The following NUP214 variants were observed in gnomAD, a reference collection of about 807,000 sequenced individuals.
NUP214 encodes the protein nuclear pore complex protein Nup214.
NUP214 carries 79 observed loss-of-function variants against 196.2 expected under a neutral mutation model. That is an observed-to-expected ratio of 0.40 (90% confidence interval 0.34 to 0.49). The LOEUF is 0.49. NUP214 is among the 20% of genes least tolerant of loss of function. The probability of loss-of-function intolerance (pLI) is 0.58; values close to 1 mark genes in which losing one functional copy is unlikely to be tolerated. For missense variants in NUP214, 2,468 were observed against 2,539.0 expected (o/e 0.97, Z 0.60); for synonymous variants, 1,020 against 990.5 (o/e 1.03, Z -0.56).
At position 131,198,656 on chromosome 9, in the gene NUP214, T is replaced by C. The variant is rs1437886777; in HGVS notation, c.5162T>C (p.Phe1721Ser). The change falls in exon 29 of 36, where the codon TTT (phenylalanine) becomes TCT (serine). Residue 1721 changes from phenylalanine to serine, a missense_variant. Around this residue, in one of 5 missense-constraint regions of NUP214, gnomAD observed 1,801 missense variants for 1,779.4 expected, o/e 1.01. Transcript: ENST00000359428. ...PAFGTTAPGV[F>S]GQTTFGQASV... ...TTTGGTACCACAGCCCCAGGGGTCT[T>C]TGGACAGACAACCTTCGGGCAGGCC... 6.2e-7 allele frequency: 1 copy of C among 1,614,194 alleles called. No individual in the cohort carries two copies. The highest frequency in any genetic ancestry group is 8.5e-7 in the Non-Finnish European group (1 of 1,180,012).
chr9:131,150,164 T>C, intron 14 of NUP214, 160 bp from the exon 15 acceptor site: 1 of 632,610 alleles, frequency 1.6e-6, no homozygotes, highest in Non-Finnish European at 2.8e-6. Context: ...GTCTAGAACA[T>C]GCCTTACACA....
intron 30 of NUP214, among the ~76,000 whole-genome samples, chr9:131,213,327 C>T (rs1834299839): frequency 6.6e-6 from 1 of 152,104 alleles, no homozygotes; most frequent in Admixed American, 6.5e-5. Context: ...AGGAATGCAC[C>T]ACCACGCCCA....
chr9:131,163,935 A>G lies in NUP214; in HGVS notation c.2789A>G (p.Lys930Arg). Residue 930 changes from lysine to arginine, a missense_variant, in exon 20 of 36, where the codon AAA becomes AGA. Lys to Arg is a conservative substitution (Grantham distance 26, BLOSUM62 2). Transcript: ENST00000359428. ...LLKTTIESHT[K>R]SLPKVPAKLS... is the part of the protein sequence containing the mutation. ...AAAACCACCATAGAATCTCACACCA[A>G]ATCCTTGCCCAAAGTACCAGGTAAT... The G allele has an allele frequency of 1.9e-6, 3 of 1,614,150 alleles. No homozygotes were observed. The highest frequency in any genetic ancestry group is 1.1e-5 in the South Asian group (1 of 91,082).
chr9:131,155,800 C>T (rs1310682663), intron 17 of NUP214, among the ~76,000 whole-genome samples: 2 of 152,122 alleles, frequency 1.3e-5, no homozygotes, highest in Admixed American at 1.3e-4. Context: ...AATAATTTGG[C>T]TTTATTTCTG....
At chr9:131,129,231 A>T in intron 3 of NUP214, 48 bp from the exon 4 acceptor site, 1 of 1,475,644 alleles carries the variant, frequency 6.8e-7, no homozygotes, top group Non-Finnish European at 9.5e-7. Flanking sequence ...ATGTTTCTGC[A>T]TTTACTATTT....
chr9:131,195,423 T>TCTGTC, intron 28 of NUP214, 129 bp downstream of exon 28: 1 of 712,152 alleles, frequency 1.4e-6, no homozygotes, highest in Non-Finnish European at 2.5e-6. Context: ...AAGCTCAGTG[T>TCTGTC]TGATAATGTG....
At chr9:131,148,783 TAC>T (rs200932935) in intron 14 of NUP214, among the ~76,000 whole-genome samples, 184 of 152,044 alleles carry the variant, frequency 1.2e-3, no homozygotes, top group Middle Eastern at 3.4e-3. Context: ...GTTCCTTGAA[TAC>T]ACACACACAC....
chr9:131,203,015 G>A lies in NUP214; in HGVS notation c.5592+1298G>A, dbSNP rs778365888. Among the ~76,000 whole-genome samples, 178 of 151,010 alleles carry A rather than the reference G, an allele frequency of 1.2e-3. 5 individuals are homozygous for A. The highest frequency in any genetic ancestry group is 2.2e-4 in the Non-Finnish European group (15 of 67,834). On this transcript the variant is annotated intron_variant, in intron 30 of 35. Transcript: ENST00000359428. ...GGCCGGACTGCAGTGGTGCTATCTC[G>A]GCTCACTGCAAGCTCTGCCTCCCAG...
At position 131,135,992 on chromosome 9, in the gene NUP214, C is replaced by G. The variant is rs779771260; in HGVS notation, c.991C>G (p.Arg331Gly). 16 of 1,612,958 alleles carry G rather than the reference C, an allele frequency of 9.9e-6. No individual in the cohort carries two copies. The highest frequency in any genetic ancestry group is 1.4e-5 in the Non-Finnish European group (16 of 1,179,044). Residue 331 changes from arginine to glycine, a missense_variant, in exon 9 of 36, where the codon CGA (arginine) becomes GGA (glycine). Arg to Gly is a moderately radical substitution (Grantham distance 125). Transcript: ENST00000359428. ...TTCAACAGAAGTTAGTATCCTTGCT[C>G]GACAAAGTGATCAGGTAAATCTCTT... is the stretch of plus-strand genomic sequence containing the variant. The part of the protein sequence containing the change: ...AASTEVSILA[R>G]QSDQINWESW...
At chr9:131,156,477 T>C (rs1442878070) in intron 17 of NUP214, among the ~76,000 whole-genome samples, 2 of 152,116 alleles carry the variant, frequency 1.3e-5, no homozygotes, top group Non-Finnish European at 2.9e-5. Flanking sequence ...TCCATTTGTG[T>C]CGTCTATGAT....
intron 30 of NUP214, among the ~76,000 whole-genome samples, chr9:131,214,557 A>G (rs1398391031): frequency 6.6e-6 from 1 of 152,216 alleles, no homozygotes; most frequent in Non-Finnish European, 1.5e-5. Context: ...TTGTTCTTTA[A>G]GAACCAGCTT....
chr9:131,183,285 A>G (rs1325842278), intron 24 of NUP214, among the ~76,000 whole-genome samples: 1 of 152,208 alleles, frequency 6.6e-6, no homozygotes, highest in African/African-American at 2.4e-5. Context: ...GGGTTTCGCC[A>G]TGTTGGCCAG....
chr9:131,221,873 C>G (rs2131093157), intron 31 of NUP214, among the ~76,000 whole-genome samples: 1 of 151,538 alleles, frequency 6.6e-6, no homozygotes, highest in African/African-American at 2.4e-5. Flanking sequence ...TTTGAAAACT[C>G]TGACATATCC....
intron 34 of NUP214, among the ~76,000 whole-genome samples, chr9:131,231,484 T>C (rs528861594): frequency 6.6e-6 from 1 of 151,210 alleles, no homozygotes; most frequent in African/African-American, 2.4e-5. Context: ...GGCATATATA[T>C]TTTTTTTTAG....
At chr9:131,192,119 G>A (rs1440628430) in intron 26 of NUP214, 89 bp from the exon 27 acceptor site, 11 of 873,538 alleles carry the variant, frequency 1.3e-5, no homozygotes, top group Admixed American at 2.9e-5. Flanking sequence ...CACAGGCTGA[G>A]CTACAGGGAA....
intron 24 of NUP214, among the ~76,000 whole-genome samples, chr9:131,185,305 GTTTTA>G (rs940740298): frequency 2.0e-4 from 31 of 152,190 alleles, no homozygotes; most frequent in Non-Finnish European, 3.4e-4. Flanking sequence ...ACTCTTCTGT[GTTTTA>G]TTTTTCTCCA....
rs1831458569 is a variant in NUP214 at position 131,129,386 on chromosome 9, TTGTC to T, written c.504_507del (p.Cys168TrpfsTer15). On this transcript the variant is annotated frameshift_variant, in exon 4 of 36. Transcript: ENST00000359428. LOFTEE classifies it high-confidence loss of function. ...CCACTGTCCCCTCCATGGTGGCAGTTTGTCTGGCTGATGGTAGTATTGCTGTCCT... is the reference window on the plus strand; with the variant it reads ...CCACTGTCCCCTCCATGGTGGCAGTTTGGCTGATGGTAGTATTGCTGTCCT... The T allele has an allele frequency of 6.2e-7, 1 of 1,614,200 alleles. No homozygotes were observed. Among genetic ancestry groups the T allele is most frequent in the Non-Finnish European group, 8.5e-7 (1 of 1,180,038 alleles).
At chr9:131,161,816 T>C (rs1176941406) in intron 18 of NUP214, among the ~76,000 whole-genome samples, 3 of 152,186 alleles carry the variant, frequency 2.0e-5, no homozygotes, top group African/African-American at 4.8e-5. Context: ...TTACACTATG[T>C]GTACTTATTA....
Position 131,132,580 on chromosome 9 carries a change from T to G in NUP214, c.664-16T>G, listed in dbSNP as rs774525866. ...TTTCATTTGATACTTTATTTTCCCCTCCAAATCTCTTTCAGACTTTGCAGG... is the reference window on the plus strand; with the variant it reads ...TTTCATTTGATACTTTATTTTCCCCGCCAAATCTCTTTCAGACTTTGCAGG... On this transcript the variant is annotated splice_polypyrimidine_tract_variant and intron_variant, in intron 5 of 35. Coordinates refer to ENST00000359428, the MANE Select transcript of NUP214 (RefSeq NM_005085.4). The G allele has an allele frequency of 1.2e-6, 2 of 1,610,506 alleles. No individual in the cohort carries two copies. Among genetic ancestry groups the G allele is most frequent in the African/African-American group, 1.3e-5 (1 of 74,958 alleles).
Sources: gnomAD v4.1 joint callset for allele counts (sites outside exome capture counted in the v4.1 genomes callset) on GRCh38, gnomAD v4.1.1 for gene constraint, gnomAD v4.1.1 regional missense constraint, MANE v1.5 for transcripts, NCBI Gene and HGNC (gene_info 2026-07-23, HGNC 2026-07-21) for gene names.